PPP1R12B: variants seen among roughly 807,000 people sequenced by gnomAD.
PPP1R12B encodes the protein protein phosphatase 1 regulatory subunit 12B.
Under a neutral mutation model 126.1 loss-of-function variants are expected in PPP1R12B, and 76 were observed. The observed-to-expected ratio is 0.60, with a 90% CI of 0.50 to 0.73. The LOEUF is 0.73. PPP1R12B is among the 30% of genes least tolerant of loss of function. The probability of loss-of-function intolerance (pLI) is 0.00; values close to 1 mark genes in which losing one functional copy is unlikely to be tolerated. For missense variants in PPP1R12B, 1,052 were observed against 1,205.1 expected (o/e 0.87, Z 1.88); for synonymous variants, 356 against 434.7 (o/e 0.82, Z 2.25).
At chr1:202,365,993 A>G (rs2843421) in intron 1 of PPP1R12B, among the ~76,000 whole-genome samples, 147,148 of 152,044 alleles carry the variant, frequency 0.97, 71,327 homozygotes, top group East Asian at 1. Context: ...CTGTCCCTCC[A>G]CTCCCGCCCC....
chr1:202,367,899 C>G (rs1659520126), intron 1 of PPP1R12B, among the ~76,000 whole-genome samples: 1 of 151,818 alleles, frequency 6.6e-6, no homozygotes, highest in African/African-American at 2.4e-5. Flanking sequence ...GTGGGTCATA[C>G]GGGAGGGTCC....
chr1:202,532,138 C>G (rs1416996992), intron 18 of PPP1R12B, among the ~76,000 whole-genome samples: 1 of 152,148 alleles, frequency 6.6e-6, no homozygotes, highest in Non-Finnish European at 1.5e-5. Flanking sequence ...CCATATAGGG[C>G]AACTTCCTGA....
chr1:202,405,018 G>A (rs1666399850), intron 1 of PPP1R12B, among the ~76,000 whole-genome samples: 1 of 152,176 alleles, frequency 6.6e-6, no homozygotes, highest in African/African-American at 2.4e-5. Flanking sequence ...GTCTGGTATA[G>A]TACAGGCCTT....
In PPP1R12B at chr1:202,356,951, A is replaced by G. The variant is rs531830948; in HGVS notation, c.291+7809A>G. Among the ~76,000 whole-genome samples, 3 of 151,268 alleles carry G rather than the reference A, an allele frequency of 2.0e-5. No individual in the cohort carries two copies. The South Asian group carries it at 6.2e-4, about 31-fold the overall frequency. ...ATTCTCCTGCCTCAGCCTCCTTATT[A>G]GCTGGGATTACAGGCGCCCACCACC... is the stretch of plus-strand genomic sequence containing the variant. On this transcript the variant is annotated intron_variant, in intron 1 of 23. Coordinates refer to ENST00000608999, the MANE Select transcript of PPP1R12B (RefSeq NM_002481.4).
At chr1:202,493,082 GA>G in intron 14 of PPP1R12B, 31 bp from the exon 15 acceptor site, 1 of 1,594,730 alleles carries the variant, frequency 6.3e-7, no homozygotes, top group Non-Finnish European at 8.6e-7. Flanking sequence ...TGGTTAGTGT[GA>G]AACAGCCCTG....
intron 1 of PPP1R12B, among the ~76,000 whole-genome samples, chr1:202,394,620 G>A (rs565769961): frequency 3.9e-5 from 6 of 152,094 alleles, no homozygotes; most frequent in Non-Finnish European, 8.8e-5. Context: ...CGGGCATGGT[G>A]GCGCATGCCT....
At chr1:202,432,093 A>G (rs1249587445) in intron 8 of PPP1R12B, among the ~76,000 whole-genome samples, 1 of 152,212 alleles carries the variant, frequency 6.6e-6, no homozygotes, top group African/African-American at 2.4e-5. Context: ...ATCTTGCAGA[A>G]GCTCTTAGGG....
chr1:202,390,477 G>A (rs1235110669), intron 1 of PPP1R12B, among the ~76,000 whole-genome samples: 1 of 152,100 alleles, frequency 6.6e-6, no homozygotes, highest in African/African-American at 2.4e-5. Context: ...AAAATAATTT[G>A]AATTCATAAA....
chr1:202,438,057 G>A (rs1558226485), intron 10 of PPP1R12B, 33 bp downstream of exon 10: 1 of 1,605,188 alleles, frequency 6.2e-7, no homozygotes. Flanking sequence ...GGAATTCCAA[G>A]GCAGTTTTTT....
rs540657809 is a variant in PPP1R12B, at chr1:202,439,004, C to T, written c.1458+980C>T. 8.3e-5 allele frequency: 120 copies of T among 1,446,146 alleles called. No individual in the cohort carries two copies. The African/African-American group carries it at 1.3e-3, about 16-fold the overall frequency. The allele number at this position is 1,446,146 out of a possible 1,614,324, so 89.6% of individuals were successfully genotyped here. A position where few individuals can be genotyped will look rare whatever the true frequency, so the allele number is the denominator to read the frequency against. On this transcript the variant is annotated intron_variant, in intron 10 of 23. Transcript: ENST00000608999. ...GCGCATGGCCCTGGCCAACCGGAAGCAGGAGTGCGGCAGTGCCCACTACCA... is the reference window on the plus strand; with the variant it reads ...GCGCATGGCCCTGGCCAACCGGAAGTAGGAGTGCGGCAGTGCCCACTACCA...
chr1:202,516,092 A>G (rs1205502078), intron 18 of PPP1R12B, among the ~76,000 whole-genome samples: 2 of 152,238 alleles, frequency 1.3e-5, no homozygotes, highest in African/African-American at 4.8e-5. Context: ...TACTTATCAC[A>G]TAGGTCATTT....
intron 9 of PPP1R12B, among the ~76,000 whole-genome samples, chr1:202,435,823 T>C (rs751132359): frequency 1.6e-4 from 25 of 152,216 alleles, no homozygotes; most frequent in Non-Finnish European, 3.2e-4. Context: ...TGGCTACTTA[T>C]TTATCCCTAG....
At chr1:202,557,529 T>A (rs1687079283) in intron 18 of PPP1R12B, among the ~76,000 whole-genome samples, 1 of 152,192 alleles carries the variant, frequency 6.6e-6, no homozygotes, top group African/African-American at 2.4e-5. Context: ...TACCATATAC[T>A]TTTCTTAATG....
At chr1:202,541,345 GAGAATACCAAA>G (rs1228389152) in intron 18 of PPP1R12B, among the ~76,000 whole-genome samples, 1 of 152,154 alleles carries the variant, frequency 6.6e-6, no homozygotes, top group African/African-American at 2.4e-5. Context: ...AGCTAGGGAT[GAGAATACCAAA>G]AGAATATTGT....
intron 20 of PPP1R12B, among the ~76,000 whole-genome samples, chr1:202,563,307 G>A (rs1687714357): frequency 6.6e-6 from 1 of 152,022 alleles, no homozygotes; most frequent in Non-Finnish European, 1.5e-5. Flanking sequence ...TATGGAGATT[G>A]GATCTCACTA....
In PPP1R12B at chr1:202,427,057, G is replaced by T. The variant is rs1487290313; in HGVS notation, c.719G>T (p.Gly240Val). 6.2e-6 allele frequency: 10 copies of T among 1,612,902 alleles called. No homozygotes were observed. The highest frequency in any genetic ancestry group is 8.5e-6 in the Non-Finnish European group (10 of 1,179,766). Reference sequence around the variant, plus strand: ...CTTTTTAGACTTTTAATTCAGGCTGGCTATGAACTCAATGTTCAGGATTAT... The same window carrying T: ...CTTTTTAGACTTTTAATTCAGGCTGTCTATGAACTCAATGTTCAGGATTAT... ...SEVLRLLIQA[G>V]YELNVQDYDG... The change falls in exon 5 of 24, where the codon GGC becomes GTC. Residue 240 changes from glycine (G) to valine (V), a missense_variant. By Grantham distance (109) the Gly-to-Val change is moderately radical (BLOSUM62 -3). Coordinates refer to ENST00000608999, the MANE Select transcript of PPP1R12B (RefSeq NM_002481.4).
intron 1 of PPP1R12B, among the ~76,000 whole-genome samples, chr1:202,384,959 T>C (rs1662896470): frequency 6.6e-6 from 1 of 152,264 alleles, no homozygotes; most frequent in Non-Finnish European, 1.5e-5. Context: ...CATATTTTTA[T>C]ATCACTAATT....
At chr1:202,519,653 C>G (rs1025686396) in intron 18 of PPP1R12B, among the ~76,000 whole-genome samples, 2 of 152,212 alleles carry the variant, frequency 1.3e-5, no homozygotes, top group African/African-American at 4.8e-5. Flanking sequence ...ATTGTCTTCC[C>G]TACATTTCTG....
chr1:202,369,997 T>A (rs1659936431), intron 1 of PPP1R12B: 1 of 156,120 alleles, frequency 6.4e-6, no homozygotes, highest in Non-Finnish European at 1.4e-5. Flanking sequence ...GGTTTCACCA[T>A]GTTGTCCAGG....
Sources: gnomAD v4.1 joint callset for allele counts (sites outside exome capture counted in the v4.1 genomes callset) on GRCh38, gnomAD v4.1.1 for gene constraint, MANE v1.5 for transcripts, NCBI Gene and HGNC (gene_info 2026-07-23, HGNC 2026-07-21) for gene names.